ZNF385D: variants seen among roughly 807,000 people sequenced by gnomAD.
ZNF385D encodes the protein zinc finger protein 385D, also known as zinc finger protein 659.
In ZNF385D, 15 loss-of-function variants were observed where a neutral mutation model predicts 35.8. That is an observed-to-expected ratio of 0.42 (90% confidence interval 0.28 to 0.64). The LOEUF is 0.64. Among genes scored for constraint, ZNF385D ranks in the 30% least tolerant of loss-of-function variants. ZNF385D has a pLI of 0.23. For synonymous variants in ZNF385D, 212 were observed against 186.8 expected, an observed-to-expected ratio of 1.13 and a Z score of -1.10; for missense variants, 474 against 494.6, an observed-to-expected ratio of 0.96 and a Z score of 0.39.
At chr3:22,022,153 A>T (rs2125457274) in intron 3 of ZNF385D, among the ~76,000 whole-genome samples, 1 of 152,242 alleles carries the variant, frequency 6.6e-6, no homozygotes, top group Non-Finnish European at 1.5e-5. Flanking sequence ...TAAATACATC[A>T]CCTAGAATTA....
chr3:21,926,090 T>C (rs958488957), intron 3 of ZNF385D, among the ~76,000 whole-genome samples: 8 of 151,874 alleles, frequency 5.3e-5, no homozygotes, highest in African/African-American at 1.9e-4. Flanking sequence ...GAACTAAACA[T>C]GCAATTAATG....
At chr3:22,039,529 A>G (rs1309727978) in intron 3 of ZNF385D, among the ~76,000 whole-genome samples, 1 of 152,146 alleles carries the variant, frequency 6.6e-6, no homozygotes, top group Non-Finnish European at 1.5e-5. Context: ...TCCTAGTTGC[A>G]TCAGACTAGA....
Position 22,368,197 on chromosome 3 carries a change from C to T in ZNF385D, c.106+4253G>A, listed in dbSNP as rs535265726. Among the ~76,000 whole-genome samples, 14 of 152,182 alleles carry T rather than the reference C, an allele frequency of 9.2e-5. No individual in the cohort carries two copies. In the South Asian group the frequency reaches 1.7e-3, roughly 18 times the overall value. On this transcript the variant is annotated intron_variant, in intron 2 of 5. Coordinates refer to the ZNF385D transcript ENST00000494108. Reference sequence around the variant, plus strand: ...TAGGTAAATAAATAAAGTAACTAAGCGATCTAAAGGTCTCTATCCTATTCT... The same window carrying T: ...TAGGTAAATAAATAAAGTAACTAAGTGATCTAAAGGTCTCTATCCTATTCT...
chr3:22,263,647 C>G (rs1038170752), intron 2 of ZNF385D, among the ~76,000 whole-genome samples: 1 of 151,988 alleles, frequency 6.6e-6, no homozygotes, highest in African/African-American at 2.4e-5. Flanking sequence ...ACCAAATAGG[C>G]ACTTAATAAA....
At chr3:22,305,808 G>C (rs1031308907) in intron 2 of ZNF385D, among the ~76,000 whole-genome samples, 2 of 152,050 alleles carry the variant, frequency 1.3e-5, no homozygotes, top group African/African-American at 4.8e-5. Flanking sequence ...TAATTAACAG[G>C]GCAGTTATAT....
chr3:21,442,806 A>T (rs971631799), intron 4 of ZNF385D, among the ~76,000 whole-genome samples: 3 of 151,388 alleles, frequency 2.0e-5, no homozygotes, highest in Admixed American at 6.6e-5. Context: ...GGAGTTCATA[A>T]GTGTGTGTGC....
chr3:21,787,273 G>A (rs1416533411), intron 3 of ZNF385D, among the ~76,000 whole-genome samples: 1 of 152,090 alleles, frequency 6.6e-6, no homozygotes, highest in African/African-American at 2.4e-5. Flanking sequence ...TGCAAACAGA[G>A]AGCATACCTC....
chr3:22,048,838 T>C (rs1699170912), intron 3 of ZNF385D, among the ~76,000 whole-genome samples: 1 of 152,232 alleles, frequency 6.6e-6, no homozygotes, highest in South Asian at 2.1e-4. Context: ...CTTTGGATAG[T>C]ACGGACAATA....
At chr3:21,866,410 C>T (rs1697366021) in intron 3 of ZNF385D, among the ~76,000 whole-genome samples, 1 of 152,110 alleles carries the variant, frequency 6.6e-6, no homozygotes, top group African/African-American at 2.4e-5. Context: ...GCCAAGATCG[C>T]ACGATTGCAC....
At chr3:21,488,400 C>A (rs1268765002) in intron 4 of ZNF385D, among the ~76,000 whole-genome samples, 1 of 151,878 alleles carries the variant, frequency 6.6e-6, no homozygotes, top group African/African-American at 2.4e-5. Context: ...AATTACCATA[C>A]ACCACAGAGA....
chr3:22,123,950 CTCTCTCTCTCTCTATATATA>C (rs1484519600), intron 3 of ZNF385D, among the ~76,000 whole-genome samples: 38 of 103,180 alleles, frequency 3.7e-4, no homozygotes, highest in East Asian at 8.9e-4. Context: ...CTCTCTCTCT[CTCTCTCTCTCTCTATATATA>C]TATATATATA....
At chr3:22,007,566 A>C (rs1696289697) in intron 3 of ZNF385D, among the ~76,000 whole-genome samples, 1 of 152,198 alleles carries the variant, frequency 6.6e-6, no homozygotes, top group South Asian at 2.1e-4. Context: ...AAATATTGCC[A>C]AATTCCTCCT....
At chr3:22,335,118 T>G (rs569280559) in intron 2 of ZNF385D, among the ~76,000 whole-genome samples, 1 of 152,164 alleles carries the variant, frequency 6.6e-6, no homozygotes, top group Non-Finnish European at 1.5e-5. Context: ...TAATGTATGA[T>G]CATAATATAT....
At chr3:22,295,832 G>T (rs767075905) in intron 2 of ZNF385D, among the ~76,000 whole-genome samples, 1 of 152,122 alleles carries the variant, frequency 6.6e-6, no homozygotes, top group African/African-American at 2.4e-5. Flanking sequence ...ATCAGAGAAA[G>T]CTACCACCCC....
At chr3:22,350,121 C>A (rs903963216) in intron 2 of ZNF385D, among the ~76,000 whole-genome samples, 1 of 152,104 alleles carries the variant, frequency 6.6e-6, no homozygotes, top group African/African-American at 2.4e-5. Context: ...GCCTGGATGT[C>A]CAATACAATA....
chr3:22,363,679 G>C (rs567491762), intron 2 of ZNF385D, among the ~76,000 whole-genome samples: 1 of 152,096 alleles, frequency 6.6e-6, no homozygotes, highest in African/African-American at 2.4e-5. Flanking sequence ...GGTTAAATTG[G>C]TGGACCAAGT....
intron 3 of ZNF385D, among the ~76,000 whole-genome samples, chr3:22,131,893 C>A (rs548213428): frequency 1.2e-4 from 19 of 152,198 alleles, no homozygotes; most frequent in Middle Eastern, 3.4e-3. Context: ...TATTTTGTAG[C>A]ATTAAGAACT....
At chr3:21,774,008 T>C (rs1347296578) in intron 3 of ZNF385D, among the ~76,000 whole-genome samples, 1 of 151,952 alleles carries the variant, frequency 6.6e-6, no homozygotes, top group Non-Finnish European at 1.5e-5. Flanking sequence ...AGTCAAGACA[T>C]GGAGTCAACC....
At chr3:21,832,530 G>A (rs373708554) in intron 3 of ZNF385D, among the ~76,000 whole-genome samples, 15 of 152,158 alleles carry the variant, frequency 9.9e-5, no homozygotes, top group East Asian at 7.7e-4. Flanking sequence ...ATGGGGAGTT[G>A]CTCTCCCTTT....
Sources: gnomAD v4.1 joint callset for allele counts (sites outside exome capture counted in the v4.1 genomes callset) on GRCh38, gnomAD v4.1.1 for gene constraint, MANE v1.5 for transcripts, NCBI Gene and HGNC (gene_info 2026-07-23, HGNC 2026-07-21) for gene names.